Variants in CA10 observed in about 807,000 individuals in gnomAD.
CA10 encodes carbonic anhydrase 10 (inactive).
A neutral mutation model predicts 44.2 loss-of-function variants in CA10; 14 were observed. That is an observed-to-expected ratio of 0.32 (90% CI 0.21 to 0.50). The LOEUF (loss-of-function observed/expected upper bound fraction) is 0.50, where lower values mean the gene tolerates loss of function less well. Among genes scored for constraint, CA10 ranks in the 20% least tolerant of loss-of-function variants. CA10 has a pLI of 0.99. For synonymous variants in CA10, 159 were observed against 141.6 expected, an observed-to-expected ratio of 1.12 and a Z score of -0.87; for missense variants, 350 against 409.7, an observed-to-expected ratio of 0.85 and a Z score of 1.26.
At chr17:51,749,009 G>A (rs1380146709) in intron 3 of CA10, among the ~76,000 whole-genome samples, 1 of 152,156 alleles carries the variant, frequency 6.6e-6, no homozygotes, top group Non-Finnish European at 1.5e-5. Flanking sequence ...GGGTTGGGAG[G>A]GGTCATGACA....
At chr17:52,145,809 A>G (rs953716854) in intron 1 of CA10, among the ~76,000 whole-genome samples, 3 of 152,234 alleles carry the variant, frequency 2.0e-5, no homozygotes, top group Admixed American at 2.0e-4. Context: ...CCTCATAAAC[A>G]GGTTATACAT....
At position 51,696,202 on chromosome 17, in the gene CA10, C is replaced by T. The variant is rs547598418; in HGVS notation, c.466-42466G>A. Among the ~76,000 whole-genome samples, 260 of 152,154 alleles carry T rather than the reference C, an allele frequency of 1.7e-3. 1 individual carries two copies. Among genetic ancestry groups the T allele is most frequent in the African/African-American group, 5.8e-3 (239 of 41,508 alleles). ...TTTGTAGAAAGAGTTAGGGAGGAGT[C>T]CCGCCTCCTTGATTTTTTGGAATAG... is the stretch of plus-strand genomic sequence containing the variant. On this transcript the variant is annotated intron_variant, in intron 4 of 8. Transcript: ENST00000451037.
chr17:51,847,520 A>G (rs1175579104), intron 3 of CA10, among the ~76,000 whole-genome samples: 1 of 152,168 alleles, frequency 6.6e-6, no homozygotes, highest in Non-Finnish European at 1.5e-5. Context: ...ATAATAACGC[A>G]TATCATCTAA....
chr17:52,094,787 A>G (rs927249485), intron 1 of CA10, among the ~76,000 whole-genome samples: 10 of 152,188 alleles, frequency 6.6e-5, no homozygotes, highest in African/African-American at 2.2e-4. Flanking sequence ...CAGAATGGCT[A>G]AAATTAATAC....
chr17:51,900,822 A>G (rs936725604), intron 3 of CA10, among the ~76,000 whole-genome samples: 6 of 152,102 alleles, frequency 3.9e-5, no homozygotes, highest in African/African-American at 2.4e-5. Context: ...TTGCAATTGT[A>G]TTATAAAATT....
At chr17:51,928,641 C>T (rs1355488253) in intron 3 of CA10, among the ~76,000 whole-genome samples, 1 of 152,162 alleles carries the variant, frequency 6.6e-6, no homozygotes, top group Non-Finnish European at 1.5e-5. Context: ...TGACACCCAG[C>T]TTGGCTCAGA....
At chr17:51,966,381 A>C (rs1984082500) in intron 2 of CA10, among the ~76,000 whole-genome samples, 1 of 152,000 alleles carries the variant, frequency 6.6e-6, no homozygotes, top group South Asian at 2.1e-4. Context: ...ATGAAACTCA[A>C]AAAGAGCCCA....
chr17:51,794,943 C>T (rs1267120811), intron 3 of CA10, among the ~76,000 whole-genome samples: 1 of 152,152 alleles, frequency 6.6e-6, no homozygotes, highest in Non-Finnish European at 1.5e-5. Context: ...CTCAGTTGAT[C>T]AGAACTGTTT....
intron 3 of CA10, among the ~76,000 whole-genome samples, chr17:51,848,018 C>A (rs1277882989): frequency 1.3e-5 from 2 of 152,136 alleles, no homozygotes; most frequent in Non-Finnish European, 2.9e-5. Context: ...CTTTACAGAG[C>A]CAGGGCTAGG....
intron 6 of CA10, 47 bp downstream of exon 6, chr17:51,649,135 T>C: frequency 7.0e-7 from 1 of 1,433,194 alleles, no homozygotes; most frequent in Non-Finnish European, 9.8e-7. Context: ...CAGGCAGGTC[T>C]AACCTTTATA....
intron 1 of CA10, among the ~76,000 whole-genome samples, chr17:52,073,241 G>T (rs936768936): frequency 5.9e-5 from 9 of 151,890 alleles, no homozygotes; most frequent in African/African-American, 1.5e-4. Context: ...TCTGGTGGGG[G>T]TTTTTTTCCA....
chr17:51,725,952 A>G (rs1916504488), intron 4 of CA10, among the ~76,000 whole-genome samples: 2 of 139,846 alleles, frequency 1.4e-5, no homozygotes, highest in African/African-American at 5.4e-5. Flanking sequence ...ACACACTTAC[A>G]CATTCTGCCA....
At chr17:52,022,513 A>G (rs1366533810) in intron 2 of CA10, among the ~76,000 whole-genome samples, 1 of 152,016 alleles carries the variant, frequency 6.6e-6, no homozygotes, top group Non-Finnish European at 1.5e-5. Flanking sequence ...AGTGGGTGAA[A>G]GCTAGAACAA....
intron 3 of CA10, among the ~76,000 whole-genome samples, chr17:51,914,294 A>G (rs1201437622): frequency 6.6e-5 from 10 of 152,156 alleles, no homozygotes; most frequent in Non-Finnish European, 1.3e-4. Context: ...TTACAGAGAA[A>G]AAGCATACAT....
chr17:51,869,993 T>C (rs1467731031), intron 3 of CA10, among the ~76,000 whole-genome samples: 1 of 152,160 alleles, frequency 6.6e-6, no homozygotes, highest in Non-Finnish European at 1.5e-5. Context: ...CTTGTCCGAG[T>C]CATCACAGCC....
At chr17:51,711,696 G>A (rs1915947849) in intron 4 of CA10, among the ~76,000 whole-genome samples, 1 of 152,192 alleles carries the variant, frequency 6.6e-6, no homozygotes, top group African/African-American at 2.4e-5. Flanking sequence ...TGATTTGCCT[G>A]CAGATTGTTT....
At chr17:52,096,453 T>A (rs1988403291) in intron 1 of CA10, among the ~76,000 whole-genome samples, 1 of 152,178 alleles carries the variant, frequency 6.6e-6, no homozygotes, top group East Asian at 1.9e-4. Context: ...CTCTGGTACA[T>A]CCGATTACAG....
At chr17:51,822,638 G>A (rs1260058718) in intron 3 of CA10, among the ~76,000 whole-genome samples, 1 of 152,126 alleles carries the variant, frequency 6.6e-6, no homozygotes, top group Non-Finnish European at 1.5e-5. Flanking sequence ...CTGTAACAGT[G>A]TCTGGCACAT....
At chr17:51,730,126 C>T (rs1358793138) in intron 4 of CA10, among the ~76,000 whole-genome samples, 4 of 152,198 alleles carry the variant, frequency 2.6e-5, no homozygotes, top group Non-Finnish European at 5.9e-5. Flanking sequence ...TCTCCTAGCA[C>T]AACATCAGCA....
Sources: allele counts gnomAD v4.1 joint callset (sites outside exome capture counted in the v4.1 genomes callset), GRCh38; gene constraint gnomAD v4.1.1; transcripts MANE v1.5; gene names NCBI Gene and HGNC (gene_info 2026-07-23, HGNC 2026-07-21).